ADAMTS17: variants seen among roughly 807,000 people sequenced by gnomAD.
The protein encoded by ADAMTS17 is A disintegrin and metalloproteinase with thrombospondin motifs 17.
A neutral mutation model predicts 141.5 loss-of-function variants in ADAMTS17; 113 were observed. That is an observed-to-expected ratio of 0.80 (90% CI 0.69 to 0.93). ADAMTS17 has a LOEUF of 0.93. Ranked by LOEUF, ADAMTS17 falls within the 40% of genes least tolerant of loss-of-function variation. ADAMTS17 has a pLI of 0.00. For missense variants in ADAMTS17, 1,659 were observed against 1,517.9 expected, an observed-to-expected ratio of 1.09 and a Z score of -1.54; for synonymous variants, 768 against 630.6, an observed-to-expected ratio of 1.22 and a Z score of -3.27.
chr15:100,029,230 T>C (rs1349903751), intron 18 of ADAMTS17, among the ~76,000 whole-genome samples: 2 of 152,202 alleles, frequency 1.3e-5, no homozygotes, highest in Non-Finnish European at 2.9e-5. Flanking sequence ...TGTATTGACT[T>C]TCTGTAGCTG....
chr15:100,052,425 C>T (rs546098763), intron 16 of ADAMTS17, among the ~76,000 whole-genome samples: 7 of 152,204 alleles, frequency 4.6e-5, no homozygotes, highest in South Asian at 2.1e-4. Flanking sequence ...CAATATTAAG[C>T]GAGGGCTGAA....
intron 15 of ADAMTS17, among the ~76,000 whole-genome samples, chr15:100,063,284 C>T (rs1052118197): frequency 2.6e-5 from 4 of 152,198 alleles, no homozygotes; most frequent in African/African-American, 9.6e-5. Flanking sequence ...TCCCCAGAGC[C>T]ACTGGCAGCC....
intron 18 of ADAMTS17, among the ~76,000 whole-genome samples, chr15:100,039,078 G>A (rs1305324654): frequency 6.6e-6 from 1 of 152,136 alleles, no homozygotes; most frequent in Admixed American, 6.5e-5. Flanking sequence ...TTTTATTTCT[G>A]TAAGGTCAGT....
At chr15:100,168,991 G>A (rs1272801648) in intron 8 of ADAMTS17, among the ~76,000 whole-genome samples, 2 of 152,104 alleles carry the variant, frequency 1.3e-5, no homozygotes, top group Non-Finnish European at 2.9e-5. Context: ...GTTGGGCATC[G>A]TGGTGGCCAG....
chr15:100,192,213 CG>C (rs1567327814), intron 8 of ADAMTS17, among the ~76,000 whole-genome samples: 2 of 152,174 alleles, frequency 1.3e-5, no homozygotes, highest in African/African-American at 4.8e-5. Context: ...CTGAGGGAAA[CG>C]TGAGAACCCT....
chr15:100,126,889 C>T (rs776088367), intron 12 of ADAMTS17, among the ~76,000 whole-genome samples: 2 of 152,182 alleles, frequency 1.3e-5, no homozygotes, highest in Admixed American at 6.5e-5. Flanking sequence ...ACAGTCAAAA[C>T]AAGTGAGCAA....
chr15:100,076,857 A>G (rs1432845707), intron 15 of ADAMTS17, among the ~76,000 whole-genome samples: 1 of 152,206 alleles, frequency 6.6e-6, no homozygotes, highest in Non-Finnish European at 1.5e-5. Flanking sequence ...TCAATATTAT[A>G]TCATACTACA....
At chr15:100,143,767 T>G (rs2038768883) in intron 10 of ADAMTS17, among the ~76,000 whole-genome samples, 1 of 152,222 alleles carries the variant, frequency 6.6e-6, no homozygotes, top group Non-Finnish European at 1.5e-5. Flanking sequence ...TGCAAATGTT[T>G]GAGAAACCAG....
chr15:100,266,516 T>C (rs1015328162), intron 4 of ADAMTS17, among the ~76,000 whole-genome samples: 4 of 152,126 alleles, frequency 2.6e-5, no homozygotes, highest in Non-Finnish European at 5.9e-5. Flanking sequence ...CTCTTCTGCT[T>C]AAGCCCGTGC....
intron 3 of ADAMTS17, among the ~76,000 whole-genome samples, chr15:100,285,048 T>C (rs763625239): frequency 6.6e-6 from 1 of 152,226 alleles, no homozygotes; most frequent in Non-Finnish European, 1.5e-5. Context: ...CCAGGAAGCA[T>C]TCTTGAAGGC....
At chr15:100,074,457 C>T (rs2034224895) in intron 15 of ADAMTS17, among the ~76,000 whole-genome samples, 1 of 152,060 alleles carries the variant, frequency 6.6e-6, no homozygotes, top group Admixed American at 6.6e-5. Context: ...AATTTTACTG[C>T]ATGCTCTTTC....
chr15:100,138,420 T>A (rs1230762205), intron 10 of ADAMTS17, among the ~76,000 whole-genome samples: 1 of 152,132 alleles, frequency 6.6e-6, no homozygotes, highest in Non-Finnish European at 1.5e-5. Flanking sequence ...TGAGATTACA[T>A]AAACAAGCTA....
chr15:100,142,516 T>C (rs189130192), intron 10 of ADAMTS17, among the ~76,000 whole-genome samples: 193 of 152,344 alleles, frequency 1.3e-3, no homozygotes, highest in African/African-American at 4.5e-3. Flanking sequence ...CTACCTAACA[T>C]TTATTGAGTG....
At chr15:100,097,525 G>A (rs1003343526) in intron 14 of ADAMTS17, among the ~76,000 whole-genome samples, 1 of 152,248 alleles carries the variant, frequency 6.6e-6, no homozygotes, top group Non-Finnish European at 1.5e-5. Flanking sequence ...ACAGCGCCTC[G>A]GGTGCCAGGC....
intron 7 of ADAMTS17, among the ~76,000 whole-genome samples, chr15:100,223,445 T>G (rs986082249): frequency 6.6e-6 from 1 of 152,060 alleles, no homozygotes; most frequent in African/African-American, 2.4e-5. Context: ...TATAACCATG[T>G]TTCAAAGTGC....
At chr15:100,161,277 C>T (rs367836745) in intron 8 of ADAMTS17, among the ~76,000 whole-genome samples, 3 of 152,352 alleles carry the variant, frequency 2.0e-5, no homozygotes, top group South Asian at 2.1e-4. Context: ...GTGTTCTAGA[C>T]GGAACCTCTG....
chr15:99,985,519 G>T (rs953930910), intron 20 of ADAMTS17, among the ~76,000 whole-genome samples: 1 of 152,208 alleles, frequency 6.6e-6, no homozygotes, highest in African/African-American at 2.4e-5. Flanking sequence ...AAAGCCTTTG[G>T]GGGAGCAGAT....
intron 8 of ADAMTS17, 26 bp from the exon 9 acceptor site, chr15:100,155,346 T>G (rs370141432): frequency 6.2e-7 from 1 of 1,608,104 alleles, no homozygotes; most frequent in Non-Finnish European, 8.5e-7. Flanking sequence ...GAGAGAGGGA[T>G]GCTTATGCTA....
intron 15 of ADAMTS17, among the ~76,000 whole-genome samples, chr15:100,095,004 A>G (rs1452460969): frequency 6.6e-6 from 1 of 152,220 alleles, no homozygotes; most frequent in African/African-American, 2.4e-5. Context: ...GCAACGGAGT[A>G]CTCAAAATTT....
Sources: gnomAD v4.1 joint callset for allele counts (sites outside exome capture counted in the v4.1 genomes callset) on GRCh38, gnomAD v4.1.1 for gene constraint, MANE v1.5 for transcripts, NCBI Gene and HGNC (gene_info 2026-07-23, HGNC 2026-07-21) for gene names.